CNTN3: variants seen among roughly 807,000 people sequenced by gnomAD.
CNTN3 encodes contactin-3.
In CNTN3, 60 loss-of-function variants were observed where a neutral mutation model predicts 119.1. The ratio of observed to expected loss-of-function variants is 0.50; its 90% CI spans 0.41 to 0.62. CNTN3 has a LOEUF of 0.62. Ranked by LOEUF, CNTN3 falls within the 20% of genes least tolerant of loss-of-function variation. CNTN3 has a pLI of 0.00. For synonymous variants in CNTN3, 450 were observed against 438.7 expected, an observed-to-expected ratio of 1.03 and a Z score of -0.32; for missense variants, 1,101 against 1,242.4, an observed-to-expected ratio of 0.89 and a Z score of 1.71.
intron 5 of CNTN3, among the ~76,000 whole-genome samples, chr3:74,424,248 C>G (rs998130184): frequency 1.8e-4 from 27 of 152,016 alleles, no homozygotes; most frequent in Non-Finnish European, 4.0e-4. Context: ...TGCTGAAGTT[C>G]ATTTTTACTC....
chr3:74,285,256 T>C (rs1702087439), intron 20 of CNTN3, 49 bp downstream of exon 20: 4 of 1,525,768 alleles, frequency 2.6e-6, no homozygotes, highest in Non-Finnish European at 3.5e-6. Flanking sequence ...CTATCCTTTT[T>C]AATGCAAACT....
chr3:74,437,205 T>A lies in CNTN3; in HGVS notation c.359-12265A>T, dbSNP rs183300095. Among the ~76,000 whole-genome samples, 7 of 152,246 alleles carry A rather than the reference T, an allele frequency of 4.6e-5. No individual in the cohort carries two copies. In the East Asian group the frequency reaches 1.4e-3, roughly 29 times the overall value. On this transcript the variant is annotated intron_variant, in intron 4 of 22. Coordinates refer to ENST00000263665, the MANE Select transcript of CNTN3 (RefSeq NM_020872.3). The stretch of plus-strand genomic sequence containing the variant: ...CAGGCACGGTGGCTCACGCCTGTAA[T>A]CCCAGCACTTTGGGAGACCAAGGTG...
At chr3:74,295,996 G>C (rs1702330631) in intron 18 of CNTN3, among the ~76,000 whole-genome samples, 1 of 152,080 alleles carries the variant, frequency 6.6e-6, no homozygotes, top group Non-Finnish European at 1.5e-5. Context: ...ACTTGGTTTG[G>C]AGAGTCGAGG....
At chr3:74,300,906 A>G (rs1463630940) in intron 16 of CNTN3, among the ~76,000 whole-genome samples, 1 of 152,226 alleles carries the variant, frequency 6.6e-6, no homozygotes, top group Non-Finnish European at 1.5e-5. Flanking sequence ...GTTGTCTCAC[A>G]TGGAAATTCC....
intron 5 of CNTN3, among the ~76,000 whole-genome samples, chr3:74,377,189 C>A (rs1704498470): frequency 1.3e-5 from 2 of 151,992 alleles, no homozygotes; most frequent in African/African-American, 2.4e-5. Context: ...AAATTTGTAG[C>A]ACCTATCTTT....
intron 11 of CNTN3, among the ~76,000 whole-genome samples, chr3:74,353,209 A>G (rs114576004): frequency 0.012 from 1,841 of 152,274 alleles, 36 homozygotes; most frequent in African/African-American, 0.042. Context: ...GTTTCTAGAC[A>G]CATCTTTATC....
intron 4 of CNTN3, among the ~76,000 whole-genome samples, chr3:74,469,326 A>G (rs1229995701): frequency 6.6e-6 from 1 of 152,154 alleles, no homozygotes; most frequent in Non-Finnish European, 1.5e-5. Context: ...AAGACTCTCA[A>G]ATTGAAGACA....
intron 1 of CNTN3, among the ~76,000 whole-genome samples, chr3:74,573,920 T>C (rs574288588): frequency 7.9e-5 from 12 of 152,268 alleles, no homozygotes; most frequent in Admixed American, 3.3e-4. Flanking sequence ...CTAGAGTTAC[T>C]ATGTGACCAA....
At chr3:74,418,091 C>T (rs781242744) in intron 5 of CNTN3, among the ~76,000 whole-genome samples, 1 of 152,170 alleles carries the variant, frequency 6.6e-6, no homozygotes, top group African/African-American at 2.4e-5. Context: ...TTTGCACCTG[C>T]TCCTTTAGGG....
chr3:74,351,096 G>T (rs1166767108), intron 11 of CNTN3, among the ~76,000 whole-genome samples: 1 of 152,112 alleles, frequency 6.6e-6, no homozygotes, highest in African/African-American at 2.4e-5. Context: ...AGTAAGTAAA[G>T]ACATAAGTAG....
intron 1 of CNTN3, among the ~76,000 whole-genome samples, chr3:74,585,695 G>T (rs1704581895): frequency 6.6e-6 from 1 of 151,950 alleles, no homozygotes; most frequent in Non-Finnish European, 1.5e-5. Context: ...TTAAATTCAA[G>T]ACACTTAACT....
At chr3:74,375,922 A>G (rs1259743106) in intron 5 of CNTN3, among the ~76,000 whole-genome samples, 2 of 152,166 alleles carry the variant, frequency 1.3e-5, no homozygotes, top group East Asian at 3.9e-4. Context: ...TGATTAAGTT[A>G]GCCATCTCGC....
chr3:74,409,779 G>T (rs1043403876), intron 5 of CNTN3, among the ~76,000 whole-genome samples: 3 of 152,038 alleles, frequency 2.0e-5, no homozygotes, highest in African/African-American at 7.2e-5. Context: ...TGAAGCTCTT[G>T]CAACTTAGAG....
At chr3:74,381,120 G>A (rs72896184) in intron 5 of CNTN3, among the ~76,000 whole-genome samples, 5,162 of 140,888 alleles carry the variant, frequency 0.037, 296 homozygotes, top group African/African-American at 0.13. Flanking sequence ...AAACACACAC[G>A]CACGCACAGT....
At chr3:74,459,677 C>T (rs936141843) in intron 4 of CNTN3, among the ~76,000 whole-genome samples, 1 of 151,870 alleles carries the variant, frequency 6.6e-6, no homozygotes, top group Non-Finnish European at 1.5e-5. Flanking sequence ...TTTTTATTTT[C>T]CTCCTCACCT....
At chr3:74,369,848 C>T in intron 7 of CNTN3, 41 bp downstream of exon 7, 1 of 1,040,192 alleles carries the variant, frequency 9.6e-7, no homozygotes, top group Non-Finnish European at 1.5e-6. Flanking sequence ...TTATAGCAAC[C>T]TAATATTTCA....
chr3:74,455,923 A>G (rs1324523376), intron 4 of CNTN3, among the ~76,000 whole-genome samples: 2 of 152,094 alleles, frequency 1.3e-5, no homozygotes, highest in African/African-American at 2.4e-5. Flanking sequence ...TTTGTAATAA[A>G]TTCCCCAGTG....
In CNTN3 at chr3:74,608,826, C is replaced by T. The variant is rs540653067; in HGVS notation, c.-81+5565G>A. Among the ~76,000 whole-genome samples the T allele has an allele frequency of 1.4e-3, 208 of 152,220 alleles. 1 individual carries two copies. Among genetic ancestry groups the T allele is most frequent in the Non-Finnish European group, 2.3e-3 (156 of 67,992 alleles). On this transcript the variant is annotated intron_variant, in intron 1 of 22. Transcript: ENST00000263665. ...ACTATCAGGAAAAGCAGATATTAAACAATTTTACAATATTAATTAGATTAT... is the reference window on the plus strand; with the variant it reads ...ACTATCAGGAAAAGCAGATATTAAATAATTTTACAATATTAATTAGATTAT...
Position 74,565,968 on chromosome 3 carries a change from G to A in CNTN3, c.-80-44776C>T, listed in dbSNP as rs9823308. On this transcript the variant is annotated intron_variant, in intron 1 of 22. Coordinates refer to ENST00000263665, the MANE Select transcript of CNTN3 (RefSeq NM_020872.3). ...GTGAATAAGTCTCATGAGATCTCATGGTTTTATAAAGTGGAGTTCCCCCAC... is the reference window on the plus strand; with the variant it reads ...GTGAATAAGTCTCATGAGATCTCATAGTTTTATAAAGTGGAGTTCCCCCAC... 7.1e-3 allele frequency among the ~76,000 whole-genome samples: 1,087 copies of A among 152,220 alleles called. 10 individuals are homozygous for A. The highest frequency in any genetic ancestry group is 0.025 in the African/African-American group (1,030 of 41,544).
Sources: gnomAD v4.1 joint callset for allele counts (sites outside exome capture counted in the v4.1 genomes callset) on GRCh38, gnomAD v4.1.1 for gene constraint, MANE v1.5 for transcripts, NCBI Gene and HGNC (gene_info 2026-07-23, HGNC 2026-07-21) for gene names.